The following DCLK1 variants were observed in gnomAD, a reference collection of about 807,000 sequenced individuals.
The protein encoded by DCLK1 is doublecortin like kinase 1.
Under a neutral mutation model 86.2 loss-of-function variants are expected in DCLK1, and 16 were observed. The ratio of observed to expected loss-of-function variants is 0.19; its 90% CI spans 0.13 to 0.28. The LOEUF is 0.28. Among genes scored for constraint, DCLK1 ranks in the 10% least tolerant of loss-of-function variants. The pLI is 1.00. For missense variants in DCLK1, 590 were observed against 940.2 expected, an observed-to-expected ratio of 0.63 and a Z score of 4.87; for synonymous variants, 369 against 370.5, an observed-to-expected ratio of 1.00 and a Z score of 0.05.
At chr13:36,053,761 G>A (rs1168494884) in intron 3 of DCLK1, among the ~76,000 whole-genome samples, 1 of 152,060 alleles carries the variant, frequency 6.6e-6, no homozygotes, top group Admixed American at 6.6e-5. Context: ...CTCATATGGG[G>A]ACTTCTAAGC....
chr13:35,800,641 G>A (rs1354296038), intron 15 of DCLK1, among the ~76,000 whole-genome samples: 1 of 152,156 alleles, frequency 6.6e-6, no homozygotes, highest in African/African-American at 2.4e-5. Flanking sequence ...CTTTTGCGGA[G>A]TAGGTTTTCC....
chr13:35,924,042 C>G (rs1875956305), intron 4 of DCLK1, among the ~76,000 whole-genome samples: 2 of 152,162 alleles, frequency 1.3e-5, no homozygotes, highest in African/African-American at 4.8e-5. Flanking sequence ...ACTCAAGTAT[C>G]ACAGCCGAAC....
intron 3 of DCLK1, among the ~76,000 whole-genome samples, chr13:35,985,648 G>A (rs1159753821): frequency 6.6e-6 from 1 of 152,174 alleles, no homozygotes; most frequent in Non-Finnish European, 1.5e-5. Flanking sequence ...TGAAAGGAGA[G>A]GTCCTTGGCA....
chr13:35,958,145 CACCACCACTATA>C lies in DCLK1; in HGVS notation c.724-10700_724-10689del, dbSNP rs1566620676. Among the ~76,000 whole-genome samples the C allele has an allele frequency of 1.6e-4, 23 of 146,564 alleles. No homozygotes were observed. In the East Asian group the frequency reaches 3.8e-3, roughly 24 times the overall value. The stretch of plus-strand genomic sequence containing the variant: ...CCACTACCACTACTATAACCACCAC[CACCACCACTATA>C]ACCATCACCACCATCACCACTATAA... On this transcript the variant is annotated intron_variant, in intron 3 of 16. Transcript: ENST00000360631.
At chr13:36,094,405 G>C (rs1448359344) in intron 3 of DCLK1, among the ~76,000 whole-genome samples, 3 of 152,074 alleles carry the variant, frequency 2.0e-5, no homozygotes, top group Non-Finnish European at 4.4e-5. Flanking sequence ...CAGATAGTTA[G>C]AATAAAACCA....
chr13:35,941,605 G>T (rs1343647445), intron 4 of DCLK1, among the ~76,000 whole-genome samples: 3 of 151,786 alleles, frequency 2.0e-5, no homozygotes, highest in East Asian at 3.9e-4. Context: ...ATACACACAC[G>T]CACACACACA....
Position 36,023,271 on chromosome 13 carries a change from C to G in DCLK1, c.724-75814G>C, listed in dbSNP as rs144401257. Among the ~76,000 whole-genome samples the G allele has an allele frequency of 1.9e-3, 296 of 152,286 alleles. 1 individual carries two copies. The highest frequency in any genetic ancestry group is 6.8e-3 in the African/African-American group (281 of 41,556). On this transcript the variant is annotated intron_variant, in intron 3 of 16. Coordinates refer to ENST00000360631, the MANE Select transcript of DCLK1 (RefSeq NM_001330071.2). ...ATTACGGAGACTGGCACGTTCAAATCTGCAGTGTATGGGCTGGCAGGCAGA... is the reference window on the plus strand; with the variant it reads ...ATTACGGAGACTGGCACGTTCAAATGTGCAGTGTATGGGCTGGCAGGCAGA...
rs575209529 is a variant in DCLK1, at chr13:36,094,301, C to T, written c.723+17568G>A. 2.6e-5 allele frequency among the ~76,000 whole-genome samples: 4 copies of T among 152,250 alleles called. No homozygotes were observed. The East Asian group carries it at 5.8e-4, about 22-fold the overall frequency. On this transcript the variant is annotated intron_variant, in intron 3 of 16. Coordinates refer to ENST00000360631, the MANE Select transcript of DCLK1 (RefSeq NM_001330071.2). ...TTCTTAAATGCTAGAAACACCTTAACGTGCTTTATAAAAGCTGGCATTATC... is the reference window on the plus strand; with the variant it reads ...TTCTTAAATGCTAGAAACACCTTAATGTGCTTTATAAAAGCTGGCATTATC...
At chr13:36,064,786 T>G (rs1301390488) in intron 3 of DCLK1, among the ~76,000 whole-genome samples, 1 of 151,646 alleles carries the variant, frequency 6.6e-6, no homozygotes, top group East Asian at 1.9e-4. Flanking sequence ...ACATGAAAGT[T>G]CAGTGCAAAA....
intron 2 of DCLK1, among the ~76,000 whole-genome samples, chr13:36,118,085 C>CAAA (rs36075533): frequency 4.6e-5 from 7 of 151,214 alleles, no homozygotes; most frequent in South Asian, 2.1e-4. Context: ...AACATTTTCT[C>CAAA]AAAAAAAAAT....
At chr13:35,897,005 G>A (rs2153121067) in intron 4 of DCLK1, among the ~76,000 whole-genome samples, 1 of 152,278 alleles carries the variant, frequency 6.6e-6, no homozygotes, top group African/African-American at 2.4e-5. Flanking sequence ...AGGACAGCAT[G>A]GTCCAGGGCA....
At chr13:35,909,814 C>A (rs1477745270) in intron 4 of DCLK1, among the ~76,000 whole-genome samples, 1 of 151,996 alleles carries the variant, frequency 6.6e-6, no homozygotes, top group African/African-American at 2.4e-5. Flanking sequence ...GGTGAAATGA[C>A]ACAGACCACC....
At chr13:35,836,174 G>T in intron 7 of DCLK1, 33 bp from the exon 8 acceptor site, 1 of 1,538,276 alleles carries the variant, frequency 6.5e-7, no homozygotes, top group Non-Finnish European at 8.9e-7. Flanking sequence ...TTTATTGGTT[G>T]AAAAGGGAAC....
At chr13:35,838,411 C>A (rs1237364469) in intron 7 of DCLK1, among the ~76,000 whole-genome samples, 1 of 152,138 alleles carries the variant, frequency 6.6e-6, no homozygotes, top group Non-Finnish European at 1.5e-5. Context: ...AATACTTCCC[C>A]ACAGTTGATT....
At chr13:36,124,399 G>A (rs77132725) in intron 2 of DCLK1, among the ~76,000 whole-genome samples, 4,910 of 152,280 alleles carry the variant, frequency 0.032, 169 homozygotes, top group African/African-American at 0.089. Context: ...TCAAGTCACC[G>A]AAAAGGGATG....
intron 2 of DCLK1, among the ~76,000 whole-genome samples, chr13:36,117,957 G>C (rs1221508499): frequency 1.3e-5 from 2 of 152,032 alleles, no homozygotes; most frequent in African/African-American, 4.8e-5. Context: ...CACTGGCCTT[G>C]GAAGCAAGGG....
chr13:35,997,991 T>C (rs1004881018), intron 3 of DCLK1, among the ~76,000 whole-genome samples: 7 of 152,176 alleles, frequency 4.6e-5, no homozygotes, highest in African/African-American at 1.4e-4. Context: ...ATCCAGACCA[T>C]TGTTGGAGTG....
At chr13:35,885,142 A>C (rs1873150393) in intron 4 of DCLK1, among the ~76,000 whole-genome samples, 1 of 152,146 alleles carries the variant, frequency 6.6e-6, no homozygotes, top group Admixed American at 6.5e-5. Flanking sequence ...GAGATTGTCC[A>C]CCAGGAATGA....
intron 3 of DCLK1, among the ~76,000 whole-genome samples, chr13:36,103,126 T>C (rs6563343): frequency 0.99 from 151,377 of 152,300 alleles, 75,236 homozygotes; most frequent in East Asian, 1. Flanking sequence ...CAGGGCCAGG[T>C]GCAGTGGCTC....
Sources: gnomAD v4.1 joint callset for allele counts (sites outside exome capture counted in the v4.1 genomes callset) on GRCh38, gnomAD v4.1.1 for gene constraint, MANE v1.5 for transcripts, NCBI Gene and HGNC (gene_info 2026-07-23, HGNC 2026-07-21) for gene names.